Variants in PTPRK observed in about 807,000 individuals in gnomAD.
PTPRK encodes the protein receptor-type tyrosine-protein phosphatase kappa.
A neutral mutation model predicts 178.0 loss-of-function variants in PTPRK; 75 were observed. The ratio of observed to expected loss-of-function variants is 0.42; its 90% CI spans 0.35 to 0.51. The LOEUF (loss-of-function observed/expected upper bound fraction) is 0.51, where lower values mean the gene tolerates loss of function less well. Ranked by LOEUF, PTPRK falls within the 20% of genes least tolerant of loss-of-function variation. PTPRK has a pLI of 0.02. For synonymous variants in PTPRK, 637 were observed against 620.6 expected, an observed-to-expected ratio of 1.03 and a Z score of -0.39; for missense variants, 1,441 against 1,797.8, an observed-to-expected ratio of 0.80 and a Z score of 3.59.
chr6:127,995,779 A>G (rs1777080306), intron 17 of PTPRK, among the ~76,000 whole-genome samples: 1 of 152,094 alleles, frequency 6.6e-6, no homozygotes, highest in Non-Finnish European at 1.5e-5. Context: ...GAGACATGAA[A>G]TTGTCTGGTA....
chr6:128,423,570 C>T (rs1375455733), intron 1 of PTPRK, among the ~76,000 whole-genome samples: 1 of 151,694 alleles, frequency 6.6e-6, no homozygotes, highest in Non-Finnish European at 1.5e-5. Context: ...GTGGCTCACA[C>T]CTGTAGTCCC....
At chr6:128,411,949 T>C (rs1842356061) in intron 1 of PTPRK, among the ~76,000 whole-genome samples, 1 of 152,252 alleles carries the variant, frequency 6.6e-6, no homozygotes, top group Non-Finnish European at 1.5e-5. Context: ...ATTTTGCTAA[T>C]GATCTAAATC....
intron 8 of PTPRK, among the ~76,000 whole-genome samples, chr6:128,085,899 T>A (rs1785716177): frequency 6.6e-6 from 1 of 152,100 alleles, no homozygotes; most frequent in South Asian, 2.1e-4. Flanking sequence ...CACAAACAGG[T>A]GAGGTGAGGT....
At chr6:128,048,834 C>T (rs928279641) in intron 13 of PTPRK, among the ~76,000 whole-genome samples, 1 of 152,148 alleles carries the variant, frequency 6.6e-6, no homozygotes, top group Non-Finnish European at 1.5e-5. Flanking sequence ...GGGACCAGTC[C>T]TCCTTGGATA....
At chr6:128,053,283 C>T (rs548157138) in intron 13 of PTPRK, among the ~76,000 whole-genome samples, 2 of 152,150 alleles carry the variant, frequency 1.3e-5, no homozygotes, top group South Asian at 4.1e-4. Context: ...TCACCTCCTT[C>T]CCTGTGCGGC....
At chr6:128,037,455 C>G (rs1472354942) in intron 13 of PTPRK, among the ~76,000 whole-genome samples, 1 of 152,152 alleles carries the variant, frequency 6.6e-6, no homozygotes, top group Non-Finnish European at 1.5e-5. Context: ...CAATTGAGCT[C>G]TCTTGGAGCC....
intron 13 of PTPRK, among the ~76,000 whole-genome samples, chr6:128,053,556 G>A (rs1779410489): frequency 6.6e-6 from 1 of 152,048 alleles, no homozygotes; most frequent in African/African-American, 2.4e-5. Context: ...AAGGTGGATT[G>A]CCTACTGTGT....
chr6:128,034,309 A>T (rs1159606465), intron 13 of PTPRK, among the ~76,000 whole-genome samples: 2 of 152,260 alleles, frequency 1.3e-5, no homozygotes, highest in Non-Finnish European at 2.9e-5. Context: ...ACAACATGAT[A>T]GAAAAGCTAT....
At chr6:128,472,285 C>T (rs541085037) in intron 1 of PTPRK, among the ~76,000 whole-genome samples, 1 of 152,008 alleles carries the variant, frequency 6.6e-6, no homozygotes, top group Non-Finnish European at 1.5e-5. Flanking sequence ...TGTTTATTCA[C>T]ATGGTTCGTT....
chr6:127,983,020 A>G (rs1562379612), intron 23 of PTPRK, 40 bp from the exon 24 acceptor site: 1 of 1,562,528 alleles, frequency 6.4e-7, no homozygotes. Flanking sequence ...TACTAGTTTT[A>G]GTATCACTTT....
At chr6:128,264,720 G>T (rs1344650391) in intron 3 of PTPRK, among the ~76,000 whole-genome samples, 1 of 152,038 alleles carries the variant, frequency 6.6e-6, no homozygotes, top group Admixed American at 6.6e-5. Flanking sequence ...TGTTAATATG[G>T]TTTGGTTGTG....
chr6:128,366,044 A>G (rs977296384), intron 2 of PTPRK, among the ~76,000 whole-genome samples: 1 of 152,130 alleles, frequency 6.6e-6, no homozygotes, highest in African/African-American at 2.4e-5. Context: ...TTAGTAGAAG[A>G]CAGATAAGCC....
chr6:127,981,116 G>A lies in PTPRK; in HGVS notation c.3711C>T (p.Asp1237=), dbSNP rs767727446. The part of the protein sequence containing the change: ...SSNYINAALM[D]SYRQPAAFIV... ...ACTAACAAAGAGGGCAGTCTCTTAC[G>A]TCCATAAGAGCAGCATTGATGTAGT... Residue 1237 remains aspartate, a splice_region_variant and synonymous_variant, in exon 25 of 30, where the codon GAC becomes GAT. Transcript: ENST00000368226. 69 of 1,613,044 alleles carry A rather than the reference G, an allele frequency of 4.3e-5. 1 individual carries two copies. Among genetic ancestry groups the A allele is most frequent in the Middle Eastern group, 1.7e-4 (1 of 6,030 alleles).
Position 128,005,221 on chromosome 6 carries a change from T to C in PTPRK, c.2357A>G (p.Asp786Gly), listed in dbSNP as rs752190356. 2 of 1,611,174 alleles carry C rather than the reference T, an allele frequency of 1.2e-6. No individual in the cohort carries two copies. Among genetic ancestry groups the C allele is most frequent in the East Asian group, 2.2e-5 (1 of 44,788 alleles). The change falls in exon 15 of 30, where the codon GAT becomes GGT. Residue 786 changes from aspartate (D) to glycine (G), a missense_variant. Coordinates refer to ENST00000368226, the MANE Select transcript of PTPRK (RefSeq NM_002844.4). ...CTCCTGCCGGGTATTCCCCATGGCA[T>C]CTTTGCGTTTTTTAGCAAGTTTGCT... ...KKSKLAKKRKDAMGNTRQEMT... is the reference protein window; with the variant it reads ...KKSKLAKKRKGAMGNTRQEMT...
At chr6:128,344,225 A>C (rs2128333395) in intron 2 of PTPRK, among the ~76,000 whole-genome samples, 1 of 152,268 alleles carries the variant, frequency 6.6e-6, no homozygotes, top group African/African-American at 2.4e-5. Context: ...ATCCTGATCA[A>C]CAGCACCAAG....
intron 1 of PTPRK, among the ~76,000 whole-genome samples, chr6:128,477,670 C>T (rs1851539635): frequency 6.6e-6 from 1 of 152,066 alleles, no homozygotes; most frequent in African/African-American, 2.4e-5. Flanking sequence ...GAAAAGACTA[C>T]TTATTTCATT....
chr6:128,424,894 T>C (rs945981672), intron 1 of PTPRK, among the ~76,000 whole-genome samples: 2 of 152,198 alleles, frequency 1.3e-5, no homozygotes, highest in Non-Finnish European at 1.5e-5. Context: ...ATCAGCCACA[T>C]ACAACTAACA....
rs770755887 is a variant in PTPRK, at chr6:127,995,208, T to C, written c.2844+254A>G. 9.7e-6 allele frequency: 15 copies of C among 1,544,304 alleles called. No homozygotes were observed. In the East Asian group the frequency reaches 2.3e-4, roughly 24 times the overall value. The stretch of plus-strand genomic sequence containing the variant: ...ATAACTGTAATTAAGAATGTTTGTA[T>C]TTATAATAGGGTGCTGTTATTTACA... On this transcript the variant is annotated intron_variant, in intron 18 of 29. Coordinates refer to ENST00000368226, the MANE Select transcript of PTPRK (RefSeq NM_002844.4).
chr6:128,470,749 CT>C (rs11361160), intron 1 of PTPRK, among the ~76,000 whole-genome samples: 44,518 of 114,212 alleles, frequency 0.39, 9,612 homozygotes, highest in African/African-American at 0.62. Flanking sequence ...ATATCTCTCT[CT>C]TTTTTTTTTT....
Sources: gnomAD v4.1 joint callset for allele counts (sites outside exome capture counted in the v4.1 genomes callset) on GRCh38, gnomAD v4.1.1 for gene constraint, MANE v1.5 for transcripts, NCBI Gene and HGNC (gene_info 2026-07-23, HGNC 2026-07-21) for gene names.